Variants in MYOM2 observed in about 807,000 individuals in gnomAD.
The protein encoded by MYOM2 is myomesin 2.
A neutral mutation model predicts 187.6 loss-of-function variants in MYOM2; 254 were observed. The ratio of observed to expected loss-of-function variants is 1.35; its 90% confidence interval spans 1.22 to 1.50. The LOEUF is 1.50. Ranked by LOEUF, MYOM2 falls within the 40% of genes most tolerant of loss-of-function variation. MYOM2 has a pLI of 0.00. For synonymous variants in MYOM2, 981 were observed against 753.8 expected (o/e 1.30, Z -4.94); for missense variants, 2,796 against 1,924.0 (o/e 1.45, Z -8.48).
intron 9 of MYOM2, 126 bp downstream of exon 9, chr8:2,072,635 AC>A: frequency 4.3e-6 from 5 of 1,175,948 alleles, no homozygotes; most frequent in Non-Finnish European, 4.7e-6. Flanking sequence ...AGCGAAACAA[AC>A]TGAGGGACTG....
chr8:2,103,691 G>T lies in MYOM2; in HGVS notation c.2734+910G>T, dbSNP rs1796796985. 3.3e-5 allele frequency among the ~76,000 whole-genome samples: 5 copies of T among 150,310 alleles called. No individual in the cohort carries two copies. The South Asian group carries it at 1.1e-3, about 32-fold the overall frequency. On this transcript the variant is annotated intron_variant, in intron 21 of 36. Transcript: ENST00000262113. Reference sequence around the variant, plus strand: ...TGTATGTAGAGGTATATGGATAAATGAGTGGGAGAGTGTGCATGTATTAGT... The same window carrying T: ...TGTATGTAGAGGTATATGGATAAATTAGTGGGAGAGTGTGCATGTATTAGT...
chr8:2,103,924 G>C (rs192991341), intron 21 of MYOM2, among the ~76,000 whole-genome samples: 8 of 152,270 alleles, frequency 5.3e-5, no homozygotes, highest in African/African-American at 1.9e-4. Context: ...ATGGATGGGT[G>C]TACGGATAAA....
intron 32 of MYOM2, among the ~76,000 whole-genome samples, chr8:2,134,729 C>G (rs1329985912): frequency 2.6e-5 from 4 of 152,316 alleles, no homozygotes; most frequent in African/African-American, 2.4e-5. Flanking sequence ...TGTTCCAGCT[C>G]TGGCCCTTGG....
At chr8:2,140,700 A>C in intron 32 of MYOM2, 23 bp from the exon 33 acceptor site, 1 of 1,612,134 alleles carries the variant, frequency 6.2e-7, no homozygotes, top group Admixed American at 1.7e-5. Flanking sequence ...TAACTCAGAT[A>C]CGTTCCTGTT....
At chr8:2,108,068 G>C (rs1265369164) in intron 23 of MYOM2, among the ~76,000 whole-genome samples, 1 of 152,222 alleles carries the variant, frequency 6.6e-6, no homozygotes, top group East Asian at 1.9e-4. Flanking sequence ...TTACTTTTGG[G>C]CAGAAAAATC....
At chr8:2,047,448 T>A (rs760546515) in intron 1 of MYOM2, among the ~76,000 whole-genome samples, 2 of 152,086 alleles carry the variant, frequency 1.3e-5, no homozygotes, top group Non-Finnish European at 2.9e-5. Context: ...AAAGTGGAGT[T>A]GAGGGCACAT....
intron 21 of MYOM2, among the ~76,000 whole-genome samples, chr8:2,105,813 A>G (rs1321255422): frequency 6.6e-6 from 1 of 152,188 alleles, no homozygotes; most frequent in Non-Finnish European, 1.5e-5. Flanking sequence ...AGGTCTCTGC[A>G]TTGGGTACCC....
intron 12 of MYOM2, 110 bp from the exon 13 acceptor site, chr8:2,079,450 G>A: frequency 2.9e-6 from 3 of 1,034,138 alleles, no homozygotes; most frequent in Non-Finnish European, 4.5e-6. Flanking sequence ...AGGACTCACA[G>A]GTTGTAGTCC....
chr8:2,100,648 C>A (rs1269478597), intron 19 of MYOM2: 1 of 563,930 alleles, frequency 1.8e-6, no homozygotes, highest in Non-Finnish European at 3.2e-6. Context: ...AATGATTCTA[C>A]GTAGATCCAC....
At chr8:2,142,744 C>CCCTTCTT (rs1472614883) in intron 35 of MYOM2, among the ~76,000 whole-genome samples, 1 of 20,508 alleles carries the variant, frequency 4.9e-5, no homozygotes, top group Admixed American at 5.5e-4. Flanking sequence ...CTCCCTTCCT[C>CCCTTCTT]CCCTCCCTCC....
chr8:2,116,724 A>C (rs1025350855), intron 27 of MYOM2, among the ~76,000 whole-genome samples: 1 of 152,216 alleles, frequency 6.6e-6, no homozygotes, highest in Non-Finnish European at 1.5e-5. Context: ...GATACACTTT[A>C]GATTCTCAAA....
At chr8:2,077,039 C>T (rs777320852) in intron 11 of MYOM2, among the ~76,000 whole-genome samples, 20 of 152,158 alleles carry the variant, frequency 1.3e-4, no homozygotes, top group Admixed American at 3.9e-4. Flanking sequence ...TGGCTGGGCA[C>T]GGTGGCTCAC....
intron 6 of MYOM2, among the ~76,000 whole-genome samples, chr8:2,068,124 G>T (rs761459139): frequency 2.0e-5 from 3 of 152,174 alleles, no homozygotes; most frequent in African/African-American, 4.8e-5. Context: ...TTCAATGCTC[G>T]TGTGCGCCAG....
chr8:2,134,895 G>C (rs1798014392), intron 32 of MYOM2, among the ~76,000 whole-genome samples: 1 of 152,146 alleles, frequency 6.6e-6, no homozygotes, highest in African/African-American at 2.4e-5. Flanking sequence ...CCTGGACAAA[G>C]GTTGGCATCA....
rs776951796 is a variant in MYOM2, at chr8:2,098,845, A to C, written c.2314-12A>C. 1.6e-5 allele frequency: 25 copies of C among 1,603,956 alleles called. No individual in the cohort carries two copies. The highest frequency in any genetic ancestry group is 2.1e-5 in the Non-Finnish European group (25 of 1,172,360). On this transcript the variant is annotated splice_polypyrimidine_tract_variant and intron_variant, in intron 18 of 36. Coordinates refer to ENST00000262113, the MANE Select transcript of MYOM2 (RefSeq NM_003970.4). ...TTTATCTCATGTATTAATTTAAACAAAATCTGAATAGGTGGACGGCTTGAC... is the reference window on the plus strand; with the variant it reads ...TTTATCTCATGTATTAATTTAAACACAATCTGAATAGGTGGACGGCTTGAC...
At chr8:2,132,668 C>T (rs1356446189) in intron 32 of MYOM2, among the ~76,000 whole-genome samples, 2 of 152,112 alleles carry the variant, frequency 1.3e-5, no homozygotes, top group Non-Finnish European at 2.9e-5. Flanking sequence ...CTCACTGTAG[C>T]CCTGATCTCC....
Position 2,132,651 on chromosome 8 carries a change from A to G in MYOM2, c.3800+3419A>G, listed in dbSNP as rs577072774. Among the ~76,000 whole-genome samples, 22 of 152,182 alleles carry G rather than the reference A, an allele frequency of 1.4e-4. No individual in the cohort carries two copies. In the South Asian group the frequency reaches 3.9e-3, roughly 27 times the overall value. On this transcript the variant is annotated intron_variant, in intron 32 of 36. Transcript: ENST00000262113. ...ACCCGGGCTGGAGAGCAGTGGTGCC[A>G]TTCTAGCTCACTGTAGCCCTGATCT...
chr8:2,075,187 C>T lies in MYOM2; in HGVS notation c.1121-954C>T, dbSNP rs562478998. ...CTTCCCACACGATAGCCTGAGCTTG[C>T]GAGTCTGTGAGGTTAGACACTCCCG... is the stretch of plus-strand genomic sequence containing the variant. On this transcript the variant is annotated intron_variant, in intron 10 of 36. Transcript: ENST00000262113. Among the ~76,000 whole-genome samples the T allele has an allele frequency of 4.0e-4, 61 of 152,290 alleles. 1 individual carries two copies. The highest frequency in any genetic ancestry group is 2.9e-3 in the Admixed American group (44 of 15,296).
chr8:2,096,276 C>T lies in MYOM2; in HGVS notation c.2155C>T (p.Leu719Phe), dbSNP rs1388914303. 1.2e-6 allele frequency: 2 copies of T among 1,614,164 alleles called. No individual in the cohort carries two copies. The highest frequency in any genetic ancestry group is 2.2e-5 in the East Asian group (1 of 44,856). Residue 719 changes from leucine (L) to phenylalanine (F), a missense_variant, in exon 18 of 37, where the codon CTC (leucine) becomes TTC (phenylalanine). Leu to Phe is a conservative substitution (Grantham distance 22). Coordinates refer to ENST00000262113, the MANE Select transcript of MYOM2 (RefSeq NM_003970.4). Reference sequence around the variant, plus strand: ...CCCGTCCCATCCTTATGGGATTACGCTCCTCAACTGTGACGGCCACTCCAT... The same window carrying T: ...CCCGTCCCATCCTTATGGGATTACGTTCCTCAACTGTGACGGCCACTCCAT... ...TVPSHPYGIT[L>F]LNCDGHSMTL...
Sources: gnomAD v4.1 joint callset for allele counts (sites outside exome capture counted in the v4.1 genomes callset) on GRCh38, gnomAD v4.1.1 for gene constraint, MANE v1.5 for transcripts, NCBI Gene and HGNC (gene_info 2026-07-23, HGNC 2026-07-21) for gene names.